Variants in PALS1 observed in about 807,000 individuals in gnomAD.
The protein encoded by PALS1 is protein PALS1.
PALS1 carries 31 observed loss-of-function variants against 78.9 expected under a neutral mutation model. The ratio of observed to expected loss-of-function variants is 0.39; its 90% confidence interval spans 0.30 to 0.53. The LOEUF (loss-of-function observed/expected upper bound fraction) is 0.53, where lower values mean the gene tolerates loss of function less well. Ranked by LOEUF, PALS1 falls within the 20% of genes least tolerant of loss-of-function variation. The pLI is 0.67. For synonymous variants in PALS1, 276 were observed against 270.9 expected (o/e 1.02, Z -0.18); for missense variants, 704 against 826.5 (o/e 0.85, Z 1.82).
At chr14:67,242,934 A>T (rs1189138724) in intron 1 of PALS1, among the ~76,000 whole-genome samples, 1 of 152,216 alleles carries the variant, frequency 6.6e-6, no homozygotes, top group Non-Finnish European at 1.5e-5. Flanking sequence ...GACCCAAGTC[A>T]GTACAGTGGG....
At chr14:67,287,230 C>CA (rs1030535979) in intron 3 of PALS1, among the ~76,000 whole-genome samples, 16 of 147,400 alleles carry the variant, frequency 1.1e-4, no homozygotes, top group Middle Eastern at 3.5e-3. Flanking sequence ...AAAACAAAAA[C>CA]AAAAAAAAAG....
intron 12 of PALS1, 83 bp from the exon 13 acceptor site, chr14:67,320,974 G>GA (rs1319222038): frequency 3.3e-5 from 37 of 1,133,756 alleles, no homozygotes; most frequent in Non-Finnish European, 4.3e-5. Flanking sequence ...TTACAAAATA[G>GA]AAATTCTTTC....
intron 1 of PALS1, among the ~76,000 whole-genome samples, chr14:67,260,437 C>T (rs1244174160): frequency 6.6e-6 from 1 of 152,118 alleles, no homozygotes; most frequent in Non-Finnish European, 1.5e-5. Flanking sequence ...TTATATGTTA[C>T]GAACTCATCA....
At position 67,292,493 on chromosome 14, in the gene PALS1, C is replaced by T. The variant is rs2084786770; in HGVS notation, c.368-18C>T. The T allele has an allele frequency of 4.6e-6, 7 of 1,535,168 alleles. No individual in the cohort carries two copies. The highest frequency in any genetic ancestry group is 1.7e-5 in the Admixed American group (1 of 58,510). On this transcript the variant is annotated intron_variant, in intron 3 of 14. Coordinates refer to ENST00000261681, the MANE Select transcript of PALS1 (RefSeq NM_022474.4). ...ACTGAAACAGTTAATTTTTGGATAC[C>T]TTTTCTTCTTCTACTAGAAATAGAA...
At chr14:67,308,070 G>T (rs531573353) in intron 8 of PALS1, among the ~76,000 whole-genome samples, 4 of 151,986 alleles carry the variant, frequency 2.6e-5, no homozygotes, top group Non-Finnish European at 5.9e-5. Context: ...ACACACTAGG[G>T]TCTTTCAGAG....
intron 2 of PALS1, among the ~76,000 whole-genome samples, chr14:67,274,937 G>A (rs2084475305): frequency 6.6e-6 from 1 of 152,196 alleles, no homozygotes; most frequent in Non-Finnish European, 1.5e-5. Context: ...TGTTATTGGT[G>A]TATAAGAATG....
At chr14:67,260,005 A>G (rs944056780) in intron 1 of PALS1, among the ~76,000 whole-genome samples, 4 of 152,208 alleles carry the variant, frequency 2.6e-5, no homozygotes, top group East Asian at 3.8e-4. Flanking sequence ...AGTCTTGGAA[A>G]CATTGTCCCC....
At chr14:67,332,716 G>A in intron 14 of PALS1, 64 bp from the exon 15 acceptor site, 1 of 1,503,542 alleles carries the variant, frequency 6.7e-7, no homozygotes, top group East Asian at 2.3e-5. Context: ...GGCCATCTCT[G>A]ACTCATCCTA....
chr14:67,317,387 A>T lies in PALS1; in HGVS notation c.1298-21A>T, dbSNP rs951822755. 7 of 1,588,862 alleles carry T rather than the reference A, an allele frequency of 4.4e-6. No individual in the cohort carries two copies. The Admixed American group carries it at 8.7e-5, about 20-fold the overall frequency. On this transcript the variant is annotated intron_variant, in intron 10 of 14. Coordinates refer to ENST00000261681, the MANE Select transcript of PALS1 (RefSeq NM_022474.4). ...TGTTCACGGGAACACATTTATAGTTATGTTTATGATTGCTCAACAGGAAAA... is the reference window on the plus strand; with the variant it reads ...TGTTCACGGGAACACATTTATAGTTTTGTTTATGATTGCTCAACAGGAAAA...
At chr14:67,315,515 A>T (rs2085156789) in intron 9 of PALS1, among the ~76,000 whole-genome samples, 1 of 152,026 alleles carries the variant, frequency 6.6e-6, no homozygotes, top group Non-Finnish European at 1.5e-5. Flanking sequence ...TGACCTCGTG[A>T]TCTGCCCACC....
intron 14 of PALS1, among the ~76,000 whole-genome samples, chr14:67,329,172 C>T (rs952127995): frequency 1.3e-5 from 2 of 152,158 alleles, no homozygotes; most frequent in Non-Finnish European, 2.9e-5. Flanking sequence ...GTTTGTAGTT[C>T]TCCTTGAAGA....
chr14:67,282,905 T>C (rs1350171499), intron 3 of PALS1, among the ~76,000 whole-genome samples: 2 of 152,106 alleles, frequency 1.3e-5, no homozygotes, highest in African/African-American at 4.8e-5. Flanking sequence ...TTCACTGTTT[T>C]TGTGTTCTCA....
intron 14 of PALS1, among the ~76,000 whole-genome samples, chr14:67,329,877 A>AATAC (rs1274908458): frequency 1.6e-4 from 14 of 86,862 alleles, no homozygotes; most frequent in Admixed American, 2.9e-4. Context: ...TAAATAAATA[A>AATAC]ATAGATATAG....
intron 10 of PALS1, 92 bp from the exon 11 acceptor site, chr14:67,317,316 T>C (rs1286253125): frequency 6.0e-6 from 7 of 1,165,436 alleles, no homozygotes; most frequent in Non-Finnish European, 7.3e-6. Context: ...ATTTAAAGAA[T>C]AAATGAATGA....
At chr14:67,255,189 A>G (rs988016163) in intron 1 of PALS1, among the ~76,000 whole-genome samples, 1 of 152,030 alleles carries the variant, frequency 6.6e-6, no homozygotes, top group Non-Finnish European at 1.5e-5. Flanking sequence ...ATGCTTTTTT[A>G]GAAGCCTGAC....
At chr14:67,288,493 A>T (rs1393923355) in intron 3 of PALS1, among the ~76,000 whole-genome samples, 1 of 151,984 alleles carries the variant, frequency 6.6e-6, no homozygotes, top group East Asian at 1.9e-4. Context: ...GGAGTTATAG[A>T]CTCCATCTTT....
chr14:67,248,691 A>T (rs956490443), intron 1 of PALS1, among the ~76,000 whole-genome samples: 22 of 152,176 alleles, frequency 1.4e-4, no homozygotes, highest in African/African-American at 5.1e-4. Context: ...TCTCTGTTGC[A>T]AGTACTCAGT....
At chr14:67,256,424 AAAG>A (rs879374545) in intron 1 of PALS1, among the ~76,000 whole-genome samples, 1 of 152,364 alleles carries the variant, frequency 6.6e-6, no homozygotes, top group Non-Finnish European at 1.5e-5. Flanking sequence ...AAACAAGTGA[AAAG>A]AAACCATGAA....
intron 13 of PALS1, among the ~76,000 whole-genome samples, chr14:67,323,301 A>G (rs2085296178): frequency 6.7e-6 from 1 of 148,682 alleles, no homozygotes; most frequent in African/African-American, 2.5e-5. Context: ...CTTACAGTGA[A>G]TGGTAGGATC....
Sources: gnomAD v4.1 joint callset for allele counts (sites outside exome capture counted in the v4.1 genomes callset) on GRCh38, gnomAD v4.1.1 for gene constraint, MANE v1.5 for transcripts, NCBI Gene and HGNC (gene_info 2026-07-23, HGNC 2026-07-21) for gene names.